MYO9B: variants seen among roughly 807,000 people sequenced by gnomAD.
MYO9B encodes the protein myosin IXB, also known as unconventional myosin-IXb.
MYO9B carries 71 observed loss-of-function variants against 229.5 expected under a neutral mutation model. That is an observed-to-expected ratio of 0.31 (90% CI 0.26 to 0.38). The LOEUF (loss-of-function observed/expected upper bound fraction) is 0.38, where lower values mean the gene tolerates loss of function less well. Among genes scored for constraint, MYO9B ranks in the 10% least tolerant of loss-of-function variants. The pLI is 1.00. For missense variants in MYO9B, 2,255 were observed against 2,920.5 expected (o/e 0.77, Z 5.25); for synonymous variants, 1,185 against 1,235.8 (o/e 0.96, Z 0.86).
chr19:17,197,399 A>G (rs200064831), intron 22 of MYO9B, among the ~76,000 whole-genome samples: 1 of 47,844 alleles, frequency 2.1e-5, no homozygotes, highest in Admixed American at 3.6e-4. Flanking sequence ...ATGGATGGAT[A>G]GATAGATGAT....
chr19:17,095,752 T>A (rs1044754885), intron 1 of MYO9B: 1 of 152,204 alleles, frequency 6.6e-6, no homozygotes, highest in African/African-American at 2.4e-5. Context: ...AGTTATGTAA[T>A]CTCTTTTGTC....
At chr19:17,141,288 A>G (rs1599363796) in intron 2 of MYO9B, among the ~76,000 whole-genome samples, 2 of 152,046 alleles carry the variant, frequency 1.3e-5, no homozygotes, top group African/African-American at 2.4e-5. Flanking sequence ...GACCTTGGCA[A>G]TGGCCTTGCC....
intron 29 of MYO9B, 59 bp downstream of exon 29, chr19:17,202,942 CGT>C: frequency 1.3e-6 from 2 of 1,559,126 alleles, no homozygotes; most frequent in Non-Finnish European, 1.7e-6. Context: ...GGAGCATGCA[CGT>C]GTGTGTCAGT....
chr19:17,109,021 C>CT (rs1233518243), intron 2 of MYO9B, among the ~76,000 whole-genome samples: 3 of 148,316 alleles, frequency 2.0e-5, no homozygotes, highest in Admixed American at 6.8e-5. Flanking sequence ...CCCCAAGAAT[C>CT]TTTTTTTTAA....
chr19:17,141,901 A>G (rs1342141140), intron 2 of MYO9B, among the ~76,000 whole-genome samples: 2 of 152,166 alleles, frequency 1.3e-5, no homozygotes, highest in Non-Finnish European at 2.9e-5. Flanking sequence ...CATTGATTAC[A>G]GGTGAGCCAC....
chr19:17,123,424 T>TTGTGTGTGTGTG (rs3222984), intron 2 of MYO9B, among the ~76,000 whole-genome samples: 1,583 of 146,918 alleles, frequency 0.011, 10 homozygotes, highest in East Asian at 0.029. Flanking sequence ...CAGTAGAAAT[T>TTGTGTGTGTGTG]TGTGTGTGTG....
At chr19:17,186,937 A>G (rs891030430) in intron 18 of MYO9B, among the ~76,000 whole-genome samples, 18 of 152,132 alleles carry the variant, frequency 1.2e-4, no homozygotes, top group African/African-American at 4.3e-4. Context: ...CATGTTGGCC[A>G]GGCTGGTCTT....
chr19:17,080,377 C>G (rs1444638214), intron 1 of MYO9B, among the ~76,000 whole-genome samples: 1 of 152,158 alleles, frequency 6.6e-6, no homozygotes, highest in African/African-American at 2.4e-5. Flanking sequence ...TGGCAGGGTT[C>G]GTGCCTTCGG....
intron 11 of MYO9B, among the ~76,000 whole-genome samples, chr19:17,169,406 CA>C (rs1390940497): frequency 6.9e-6 from 1 of 145,664 alleles, no homozygotes; most frequent in Non-Finnish European, 1.5e-5. Context: ...TCCATCTCTA[CA>C]AAAAAATTTT....
intron 21 of MYO9B, among the ~76,000 whole-genome samples, chr19:17,194,054 C>T (rs920844524): frequency 6.6e-6 from 1 of 152,096 alleles, no homozygotes; most frequent in Non-Finnish European, 1.5e-5. Context: ...TGTCTATAAT[C>T]TCAGTTACTA....
intron 2 of MYO9B, among the ~76,000 whole-genome samples, chr19:17,119,823 T>A (rs1409814258): frequency 3.3e-5 from 5 of 152,120 alleles, no homozygotes; most frequent in Admixed American, 6.6e-5. Context: ...GCTAATTTTT[T>A]AATTTTAGTA....
At position 17,172,122 on chromosome 19, in the gene MYO9B, G is replaced by A. The variant is rs908092764; in HGVS notation, c.1794-214G>A. Among the ~76,000 whole-genome samples, 4 of 152,152 alleles carry A rather than the reference G, an allele frequency of 2.6e-5. No individual in the cohort carries two copies. Among genetic ancestry groups the A allele is most frequent in the Admixed American group, 2.6e-4 (4 of 15,268 alleles). ...ATAGCAGCGTCCCAGCCCTCTGCCA[G>A]CATGTTCGGCATGAGGCAGGCAGGC... On this transcript the variant is annotated intron_variant, in intron 11 of 39. Transcript: ENST00000682292. The surrounding 1 kb of genome is among the most constrained non-coding windows in gnomAD (Gnocchi z 8.2).
At chr19:17,076,207 G>A (rs1171293285) in intron 1 of MYO9B, among the ~76,000 whole-genome samples, 1 of 151,978 alleles carries the variant, frequency 6.6e-6, no homozygotes, top group Admixed American at 6.5e-5. Context: ...CACGGAGGCG[G>A]GAACGAGAGG....
intron 2 of MYO9B, among the ~76,000 whole-genome samples, chr19:17,134,029 G>A (rs889204426): frequency 2.6e-5 from 4 of 152,152 alleles, no homozygotes; most frequent in African/African-American, 7.2e-5. Context: ...CCAAAGTGCT[G>A]GGATTACAGG....
At chr19:17,148,756 G>C (rs1451322181) in intron 3 of MYO9B, among the ~76,000 whole-genome samples, 3 of 152,028 alleles carry the variant, frequency 2.0e-5, no homozygotes, top group African/African-American at 7.3e-5. Context: ...GCTAATTTTT[G>C]TATTTTTAGT....
chr19:17,195,372 C>A lies in MYO9B; in HGVS notation c.3945C>A (p.Gly1315=). The A allele has an allele frequency of 6.2e-7, 1 of 1,609,532 alleles. No homozygotes were observed. The highest frequency in any genetic ancestry group is 8.5e-7 in the Non-Finnish European group (1 of 1,179,336). The part of the protein sequence containing the change: ...RLASAVELWR[G]KKLVAAASPS... ...CCAGCGCCGTGGAACTGTGGCGGGG[C>A]AAGAAGCTGGTGGCCGCCGCCAGCC... The change falls in exon 22 of 40, where the codon GGC becomes GGA. Residue 1315 remains glycine, a synonymous_variant. Transcript: ENST00000682292. This position sits in a 1 kb window ranked among gnomAD's most constrained non-coding sequence, Gnocchi z 4.5.
chr19:17,127,921 T>A lies in MYO9B; in HGVS notation c.841-17476T>A, dbSNP rs2072145530. On this transcript the variant is annotated intron_variant, in intron 2 of 39. Coordinates refer to ENST00000682292, the MANE Select transcript of MYO9B (RefSeq NM_004145.4). ...AAATCCCGCTTAATCCTCCATCTGC[T>A]AAGGCAGAGATTTTTCCAAAACCTT... is the stretch of plus-strand genomic sequence containing the variant. 2.0e-5 allele frequency among the ~76,000 whole-genome samples: 3 copies of A among 152,232 alleles called. No individual in the cohort carries two copies. In the South Asian group the frequency reaches 6.2e-4, roughly 32 times the overall value.
chr19:17,173,203 C>T (rs1208508582), intron 13 of MYO9B, among the ~76,000 whole-genome samples: 2 of 151,940 alleles, frequency 1.3e-5, no homozygotes. Flanking sequence ...ATGATGCCCT[C>T]TGATCCCACT....
At chr19:17,203,009 G>T (rs1394342620) in intron 29 of MYO9B, 126 bp downstream of exon 29, 9 of 1,396,710 alleles carry the variant, frequency 6.4e-6, no homozygotes, top group Non-Finnish European at 8.9e-6. Context: ...ACACGTGTGA[G>T]TGTGTTTTTC....
Sources: allele counts gnomAD v4.1 joint callset (sites outside exome capture counted in the v4.1 genomes callset), GRCh38; gene constraint gnomAD v4.1.1; non-coding constraint Gnocchi (gnomAD v3.1); transcripts MANE v1.5; gene names NCBI Gene and HGNC (gene_info 2026-07-23, HGNC 2026-07-21).